The following STXBP4 variants were observed in gnomAD, a reference collection of about 807,000 sequenced individuals.
STXBP4 encodes the protein syntaxin binding protein 4, also known as syntaxin-binding protein 4.
STXBP4 carries 55 observed loss-of-function variants against 76.1 expected under a neutral mutation model. The observed-to-expected ratio is 0.72, with a 90% CI of 0.58 to 0.91. The LOEUF (loss-of-function observed/expected upper bound fraction) is 0.91, where lower values mean the gene tolerates loss of function less well. STXBP4 is among the 40% of genes least tolerant of loss of function. The probability of loss-of-function intolerance (pLI) is 0.00; values close to 1 mark genes in which losing one functional copy is unlikely to be tolerated. For missense variants in STXBP4, 618 were observed against 636.9 expected (o/e 0.97, Z 0.32); for synonymous variants, 201 against 220.2 (o/e 0.91, Z 0.77).
At chr17:55,074,616 GT>G (rs2079158558) in intron 13 of STXBP4, among the ~76,000 whole-genome samples, 2 of 152,070 alleles carry the variant, frequency 1.3e-5, no homozygotes, top group South Asian at 4.1e-4. Context: ...ATTATTCCTT[GT>G]TTTTTGTTTC....
At chr17:55,195,903 A>C in the STXBP4 span, among the ~76,000 whole-genome samples, 1 of 152,154 alleles carries the variant, frequency 6.6e-6, no homozygotes, top group East Asian at 1.9e-4. Flanking sequence ...GGTAAAGCCC[A>C]CAGATGCTGC....
At chr17:55,044,405 T>C (rs1380301978) in intron 11 of STXBP4, 1 of 151,922 alleles carries the variant, frequency 6.6e-6, no homozygotes, top group Non-Finnish European at 1.5e-5. Context: ...AAATTTGTTT[T>C]GCTACCTTAG....
At chr17:55,143,870 G>A (rs1018919414) in intron 17 of STXBP4, among the ~76,000 whole-genome samples, 2 of 152,006 alleles carry the variant, frequency 1.3e-5, no homozygotes, top group African/African-American at 4.8e-5. Context: ...TCCCCAAAGG[G>A]CCATAGTAGA....
At position 55,169,737 on chromosome 17, in the gene STXBP4, TG is replaced by T. The variant is rs1296761221; in HGVS notation, c.*9827del. 2.0e-5 allele frequency: 3 copies of T among 152,228 alleles called. No individual in the cohort carries two copies. The allele number at this position is 152,228 out of a possible 1,614,324, so 9.4% of individuals were successfully genotyped here. On this transcript the variant is annotated 3_prime_UTR_variant, in exon 18 of 18. Coordinates refer to ENST00000376352, the MANE Select transcript of STXBP4 (RefSeq NM_178509.6). ...TCTGAAAAATTATTTCAATCAAAAT[TG>T]TGTTAAAAGCTATTTCTAAAAACCC...
chr17:55,211,818 T>G, the STXBP4 span, among the ~76,000 whole-genome samples: 3 of 135,598 alleles, frequency 2.2e-5, no homozygotes, highest in African/African-American at 8.2e-5. Flanking sequence ...TTTTTTTTTT[T>G]TTTTTTTTTT....
intron 1 of STXBP4, among the ~76,000 whole-genome samples, chr17:54,982,516 C>T (rs1225399803): frequency 6.6e-6 from 1 of 151,702 alleles, no homozygotes; most frequent in Admixed American, 6.6e-5. Context: ...TATTTGTCTT[C>T]AATGTTCATA....
At chr17:55,033,742 G>C (rs1447451268) in intron 9 of STXBP4, among the ~76,000 whole-genome samples, 2 of 152,098 alleles carry the variant, frequency 1.3e-5, no homozygotes, top group African/African-American at 4.8e-5. Flanking sequence ...CTGTTGGGAG[G>C]ATGAAATTGC....
intron 16 of STXBP4, among the ~76,000 whole-genome samples, chr17:55,138,739 T>C (rs1171225359): frequency 1.3e-5 from 2 of 152,146 alleles, no homozygotes; most frequent in African/African-American, 4.8e-5. Context: ...ATGTTAGTCA[T>C]ATCCAAATCA....
At chr17:55,084,868 C>G (rs1348354316) in intron 16 of STXBP4, among the ~76,000 whole-genome samples, 2 of 152,044 alleles carry the variant, frequency 1.3e-5, no homozygotes, top group Non-Finnish European at 2.9e-5. Flanking sequence ...AGTATATAAC[C>G]AAAGGACTAT....
At chr17:55,060,136 T>TA (rs1161451805) in intron 12 of STXBP4, among the ~76,000 whole-genome samples, 1 of 152,016 alleles carries the variant, frequency 6.6e-6, no homozygotes, top group Non-Finnish European at 1.5e-5. Flanking sequence ...ATTAACACCG[T>TA]AAAAAAACAT....
chr17:55,120,406 T>C (rs1197385622), intron 16 of STXBP4, among the ~76,000 whole-genome samples: 1 of 152,218 alleles, frequency 6.6e-6, no homozygotes, highest in East Asian at 1.9e-4. Flanking sequence ...TCCATTCTAT[T>C]ATGTGTTGCT....
At chr17:55,007,992 G>A (rs2078039907) in intron 8 of STXBP4, among the ~76,000 whole-genome samples, 1 of 152,020 alleles carries the variant, frequency 6.6e-6, no homozygotes, top group Non-Finnish European at 1.5e-5. Context: ...TAAGTAAAGG[G>A]AAACAAAATT....
chr17:54,975,132 C>T (rs774808109), intron 1 of STXBP4, among the ~76,000 whole-genome samples: 5 of 152,126 alleles, frequency 3.3e-5, no homozygotes, highest in Non-Finnish European at 7.4e-5. Flanking sequence ...CTACTGTCAG[C>T]ATCTTGAAAT....
At chr17:55,131,818 G>C (rs1056893413) in intron 16 of STXBP4, among the ~76,000 whole-genome samples, 1 of 152,114 alleles carries the variant, frequency 6.6e-6, no homozygotes, top group Non-Finnish European at 1.5e-5. Context: ...CTGGAGTGCT[G>C]TGGTGCCATC....
intron 16 of STXBP4, among the ~76,000 whole-genome samples, chr17:55,115,081 T>C (rs950087983): frequency 6.6e-6 from 1 of 151,972 alleles, no homozygotes; most frequent in Non-Finnish European, 1.5e-5. Flanking sequence ...AAGGTGCCGA[T>C]AAGGTTCTGT....
At chr17:55,117,116 G>A (rs1289614956) in intron 16 of STXBP4, among the ~76,000 whole-genome samples, 1 of 151,696 alleles carries the variant, frequency 6.6e-6, no homozygotes, top group Non-Finnish European at 1.5e-5. Context: ...TCTTATTTGT[G>A]TCTGATGTAA....
chr17:55,073,621 G>A (rs967661201), intron 13 of STXBP4, among the ~76,000 whole-genome samples: 1 of 152,048 alleles, frequency 6.6e-6, no homozygotes, highest in African/African-American at 2.4e-5. Flanking sequence ...TTTTCAGAAG[G>A]CAGTGCGAAC....
chr17:55,197,609 G>T, the STXBP4 span, among the ~76,000 whole-genome samples: 54 of 152,246 alleles, frequency 3.5e-4, 2 homozygotes, highest in Admixed American at 3.2e-3. Flanking sequence ...CAGGCGTGGT[G>T]GCATGCACCT....
chr17:55,017,581 CGT>C (rs1372227552), intron 8 of STXBP4, among the ~76,000 whole-genome samples: 4 of 152,210 alleles, frequency 2.6e-5, no homozygotes, highest in Non-Finnish European at 5.9e-5. Flanking sequence ...TCAAGAAAGT[CGT>C]GGTCGGGACC....
Sources: allele counts gnomAD v4.1 joint callset (sites outside exome capture counted in the v4.1 genomes callset), GRCh38; gene constraint gnomAD v4.1.1; transcripts MANE v1.5; gene names NCBI Gene and HGNC (gene_info 2026-07-23, HGNC 2026-07-21).